SETX: variants seen among roughly 807,000 people sequenced by gnomAD.
SETX encodes the protein senataxin.
In SETX, 90 loss-of-function variants were observed where a neutral mutation model predicts 227.2. The observed-to-expected ratio is 0.40, with a 90% CI of 0.33 to 0.47. The LOEUF is 0.47. Ranked by LOEUF, SETX falls within the 20% of genes least tolerant of loss-of-function variation. SETX has a pLI of 0.91. For missense variants in SETX, 3,052 were observed against 3,181.5 expected (o/e 0.96, Z 0.98); for synonymous variants, 1,210 against 1,113.2 (o/e 1.09, Z -1.73).
At chr9:132,341,437 G>A (rs1453863690) in intron 5 of SETX, among the ~76,000 whole-genome samples, 2 of 152,060 alleles carry the variant, frequency 1.3e-5, no homozygotes, top group Non-Finnish European at 2.9e-5. Flanking sequence ...GAGGAATTCT[G>A]TGTCCCTCCT....
At chr9:132,267,898 C>T (rs113280175) in intron 25 of SETX, among the ~76,000 whole-genome samples, 137 of 152,314 alleles carry the variant, frequency 9.0e-4, no homozygotes, top group African/African-American at 3.3e-3. Flanking sequence ...ACATCAACAC[C>T]ATGAGGTGCC....
At chr9:132,314,906 G>GTTTTTTTTTTTTTTT in intron 10 of SETX, among the ~76,000 whole-genome samples, 1 of 88,478 alleles carries the variant, frequency 1.1e-5, no homozygotes, top group Non-Finnish European at 2.2e-5. Context: ...ATTTTATTGT[G>GTTTTTTTTTTTTTTT]TTTTTTTTTT....
chr9:132,329,731 C>A lies in SETX; in HGVS notation c.1867G>T (p.Glu623Ter). The change falls in exon 10 of 26, where the codon GAA becomes TAA. Residue 623 changes from glutamate to a stop codon, truncating the protein, a stop_gained. Coordinates refer to ENST00000224140, the MANE Select transcript of SETX (RefSeq NM_015046.7). LOFTEE classifies it high-confidence loss of function. ...KISPASYNKE[E>*]SEQMGKTSRK... is the part of the protein sequence containing the mutation. ...GACGTCTTCCCCATTTGTTCACTTT[C>A]TTCTTTATTATAAGATGCAGGAGAG... is the stretch of plus-strand genomic sequence containing the variant. The A allele has an allele frequency of 6.2e-7, 1 of 1,614,110 alleles. No individual in the cohort carries two copies. Among genetic ancestry groups the A allele is most frequent in the Non-Finnish European group, 8.5e-7 (1 of 1,180,008 alleles).
intron 15 of SETX, among the ~76,000 whole-genome samples, chr9:132,292,944 A>AT (rs1334275064): frequency 6.6e-6 from 1 of 152,128 alleles, no homozygotes; most frequent in East Asian, 1.9e-4. Flanking sequence ...GCCCCAACTC[A>AT]TTTTTTAAAG....
intron 15 of SETX, among the ~76,000 whole-genome samples, chr9:132,293,964 C>T (rs900966794): frequency 6.6e-6 from 1 of 152,104 alleles, no homozygotes; most frequent in Non-Finnish European, 1.5e-5. Flanking sequence ...GCGGAGCTTG[C>T]AGTGAGCCGA....
chr9:132,333,406 A>AAAAT (rs1847378964), intron 7 of SETX, among the ~76,000 whole-genome samples: 2 of 64,832 alleles, frequency 3.1e-5, no homozygotes, highest in Non-Finnish European at 5.5e-5. Context: ...AAGAAAAAAA[A>AAAAT]AAATATATAT....
chr9:132,327,681 T>C lies in SETX; in HGVS notation c.3917A>G (p.Tyr1306Cys). 1 of 1,613,940 alleles carries C rather than the reference T, an allele frequency of 6.2e-7. No homozygotes were observed. ...GCCATGATCACGTAATTGAGCTACA[T>C]AATCCAAAGACCGCTGGGACAACTC... ...AYELSQRSLD[Y>C]VAQLRDHGKT... The change falls in exon 10 of 26, where the codon TAT (tyrosine) becomes TGT (cysteine). Residue 1306 changes from tyrosine to cysteine, a missense_variant. Physicochemically the swap from Tyr to Cys is radical, Grantham distance 194 (BLOSUM62 -2). Transcript: ENST00000224140.
At chr9:132,302,700 C>A (rs1460950088) in intron 11 of SETX, among the ~76,000 whole-genome samples, 4 of 131,300 alleles carry the variant, frequency 3.0e-5, no homozygotes, top group Admixed American at 7.5e-5. Context: ...AAAAAAAAAC[C>A]AGCAGGCATT....
chr9:132,328,287 T>C lies in SETX; in HGVS notation c.3311A>G (p.Gln1104Arg), dbSNP rs777787438. Reference protein sequence around the residue: ...QDHPDDNNSVQDGEKKCLAPI... With the variant: ...QDHPDDNNSVRDGEKKCLAPI... ...AGCCAAACATTTTTTCTCACCATCT[T>C]GAACTGAATTATTATCGTCTGGATG... Residue 1104 changes from glutamine (Q) to arginine (R), a missense_variant, in exon 10 of 26, where the codon CAA becomes CGA. Physicochemically the swap from Gln to Arg is conservative, Grantham distance 43. Around this residue, in one of 10 missense-constraint regions of SETX, gnomAD observed 1,483 missense variants for 1,312.0 expected, o/e 1.13. Coordinates refer to ENST00000224140, the MANE Select transcript of SETX (RefSeq NM_015046.7). 9.3e-6 allele frequency: 15 copies of C among 1,614,078 alleles called. No homozygotes were observed. The highest frequency in any genetic ancestry group is 1.3e-5 in the Non-Finnish European group (15 of 1,180,006).
intron 15 of SETX, 84 bp downstream of exon 15, chr9:132,295,788 C>T: frequency 8.0e-7 from 1 of 1,255,938 alleles, no homozygotes; most frequent in Non-Finnish European, 1.1e-6. Context: ...CCAGGACTGG[C>T]CTGCTCTTTC....
At chr9:132,290,393 G>A (rs1844217045) in intron 15 of SETX, among the ~76,000 whole-genome samples, 1 of 151,652 alleles carries the variant, frequency 6.6e-6, no homozygotes, top group African/African-American at 2.4e-5. Flanking sequence ...TGGCCAACAT[G>A]GTGAAACGCC....
At chr9:132,295,120 A>G (rs929701920) in intron 15 of SETX, among the ~76,000 whole-genome samples, 1 of 152,230 alleles carries the variant, frequency 6.6e-6, no homozygotes, top group African/African-American at 2.4e-5. Flanking sequence ...AAGGTTAAAT[A>G]AAATGAAATA....
Position 132,277,107 on chromosome 9 carries a change from T to C in SETX, c.6888A>G (p.Pro2296=), listed in dbSNP as rs1402185856. Residue 2296 remains proline (P), a synonymous_variant, in exon 22 of 26, where the codon CCA becomes CCG. Coordinates refer to ENST00000224140, the MANE Select transcript of SETX (RefSeq NM_015046.7). ...IRCSSDWPFQ[P]YLVFDVGDGS... is the part of the protein sequence containing the mutation. ...CATCTCCAACATCAAACACAAGGTA[T>C]GGCTGAAATGGCCAATCTGATGAAC... 1 of 1,613,736 alleles carries C rather than the reference T, an allele frequency of 6.2e-7. No homozygotes were observed.
rs771281896 is a variant in SETX, at chr9:132,328,242, T to C, written c.3356A>G (p.Asn1119Ser). Residue 1119 changes from asparagine to serine, a missense_variant, in exon 10 of 26, where the codon AAT becomes AGT. Asn to Ser is a conservative substitution (Grantham distance 46). Coordinates refer to ENST00000224140, the MANE Select transcript of SETX (RefSeq NM_015046.7). ...KCLAPIANTT[N>S]GQGCTDYVSE... ...TACATAATCTGTACAACCCTGACCA[T>C]TTGTAGTATTGGCTATAGGAGCCAA... 2 of 1,614,182 alleles carry C rather than the reference T, an allele frequency of 1.2e-6. No individual in the cohort carries two copies. The highest frequency in any genetic ancestry group is 1.7e-6 in the Non-Finnish European group (2 of 1,180,028).
At chr9:132,281,638 T>C in intron 19 of SETX, 64 bp from the exon 20 acceptor site, 1 of 1,168,612 alleles carries the variant, frequency 8.6e-7, no homozygotes, top group Non-Finnish European at 1.3e-6. Flanking sequence ...ATATAGTTTA[T>C]CTGATTAAAG....
chr9:132,290,875 T>A lies in SETX; in HGVS notation c.6107-2224A>T, dbSNP rs537816779. 2.2e-3 allele frequency among the ~76,000 whole-genome samples: 332 copies of A among 152,186 alleles called. 2 individuals carry two copies. Among genetic ancestry groups the A allele is most frequent in the African/African-American group, 7.8e-3 (323 of 41,524 alleles). ...AAATAAATAAATAAATATTCCCCAC[T>A]ATATCACTGGGCTAAATTATGCAAT... On this transcript the variant is annotated intron_variant, in intron 15 of 25. Transcript: ENST00000224140.
At position 132,320,271 on chromosome 9, in the gene SETX, G is replaced by A. The variant is rs548135961; in HGVS notation, c.5274+6053C>T. Among the ~76,000 whole-genome samples the A allele has an allele frequency of 1.3e-4, 20 of 152,128 alleles. No individual in the cohort carries two copies. The South Asian group carries it at 3.7e-3, about 28-fold the overall frequency. ...TCTAAATAGGATATAAACCAAATTT[G>A]GTAACCCCAAAAAAAAAGTCTAGGC... On this transcript the variant is annotated intron_variant, in intron 10 of 25. Transcript: ENST00000224140.
intron 4 of SETX, among the ~76,000 whole-genome samples, chr9:132,344,572 G>C (rs1440758575): frequency 1.3e-5 from 2 of 152,150 alleles, no homozygotes; most frequent in Non-Finnish European, 2.9e-5. Flanking sequence ...AAATGAACTA[G>C]ATTTTAGTAT....
At position 132,326,654 on chromosome 9, in the gene SETX, T is replaced by G; in HGVS notation, c.4944A>C (p.Pro1648=). The stretch of plus-strand genomic sequence containing the variant: ...TGCACGAATTCTTCATTTCACCAAC[T>G]GGCTTCTGAGCTATGAGGGGAACTG... ...PQPVPLIAQK[P]VGEMKNSCNV... is the part of the protein sequence containing the mutation. The change falls in exon 10 of 26, where the codon CCA becomes CCC. Residue 1648 remains proline (P), a synonymous_variant. Coordinates refer to ENST00000224140, the MANE Select transcript of SETX (RefSeq NM_015046.7). 6.2e-7 allele frequency: 1 copy of G among 1,614,092 alleles called. No homozygotes were observed. The highest frequency in any genetic ancestry group is 8.5e-7 in the Non-Finnish European group (1 of 1,180,002).
Sources: allele counts gnomAD v4.1 joint callset (sites outside exome capture counted in the v4.1 genomes callset), GRCh38; gene constraint gnomAD v4.1.1; regional missense constraint gnomAD v4.1.1; transcripts MANE v1.5; gene names NCBI Gene and HGNC (gene_info 2026-07-23, HGNC 2026-07-21).